GLG1: variants seen among roughly 807,000 people sequenced by gnomAD.
The protein encoded by GLG1 is golgi glycoprotein 1.
A neutral mutation model predicts 160.5 loss-of-function variants in GLG1; 38 were observed. The ratio of observed to expected loss-of-function variants is 0.24; its 90% CI spans 0.18 to 0.31. The LOEUF (loss-of-function observed/expected upper bound fraction) is 0.31. Ranked by LOEUF, GLG1 falls within the 10% of genes least tolerant of loss-of-function variation. The probability of loss-of-function intolerance (pLI) is 1.00; values close to 1 mark genes in which losing one functional copy is unlikely to be tolerated. For synonymous variants in GLG1, 644 were observed against 543.4 expected (o/e 1.19, Z -2.57); for missense variants, 1,373 against 1,505.2 (o/e 0.91, Z 1.45).
intron 1 of GLG1, among the ~76,000 whole-genome samples, chr16:74,592,811 T>C (rs1958214933): frequency 6.6e-6 from 1 of 152,178 alleles, no homozygotes; most frequent in Admixed American, 6.6e-5. Context: ...ATAATAGGTG[T>C]GTCCTCAGCA....
chr16:74,546,559 A>G (rs375903696), intron 1 of GLG1, among the ~76,000 whole-genome samples: 3 of 151,894 alleles, frequency 2.0e-5, no homozygotes, highest in Non-Finnish European at 2.9e-5. Flanking sequence ...TGACTAGGCC[A>G]GGCGTGGTGG....
chr16:74,603,378 C>G (rs1958489390), intron 1 of GLG1, among the ~76,000 whole-genome samples: 1 of 150,188 alleles, frequency 6.7e-6, no homozygotes, highest in Non-Finnish European at 1.5e-5. Context: ...CCACTGCACT[C>G]CAGCCTGGCA....
rs2014820543 is a variant in GLG1 at position 74,462,101 on chromosome 16, G to A, written c.3029C>T (p.Ser1010Leu). The change falls in exon 22 of 26, where the codon TCA becomes TTA. Residue 1010 changes from serine (S) to leucine (L), a missense_variant. By Grantham distance (145) the Ser-to-Leu change is moderately radical. Transcript: ENST00000422840. ...RLDPQLQLHCSDEISSLCAEE... is the reference protein window; with the variant it reads ...RLDPQLQLHCLDEISSLCAEE... ...TTTGCACGCAAATCCCACCTCGTCT[G>A]AGCAGTGCAGCTGGAGCTGAGGATC... 3 of 1,569,854 alleles carry A rather than the reference G, an allele frequency of 1.9e-6. No homozygotes were observed. Among genetic ancestry groups the A allele is most frequent in the African/African-American group, 1.4e-5 (1 of 74,052 alleles).
At chr16:74,482,070 G>A (rs1424996510) in intron 10 of GLG1, among the ~76,000 whole-genome samples, 2 of 152,064 alleles carry the variant, frequency 1.3e-5, no homozygotes, top group Admixed American at 6.6e-5. Flanking sequence ...TTACAGGCGT[G>A]AGCCACCGCG....
At chr16:74,603,184 G>T (rs1345532769) in intron 1 of GLG1, among the ~76,000 whole-genome samples, 1 of 151,960 alleles carries the variant, frequency 6.6e-6, no homozygotes, top group Non-Finnish European at 1.5e-5. Flanking sequence ...GACCAAGGTG[G>T]GCAGATCATG....
intron 1 of GLG1, among the ~76,000 whole-genome samples, chr16:74,535,481 G>A (rs2017663446): frequency 6.6e-6 from 1 of 152,228 alleles, no homozygotes; most frequent in Non-Finnish European, 1.5e-5. Context: ...TTGCCAGGCT[G>A]AAGGGCAGTG....
intron 1 of GLG1, among the ~76,000 whole-genome samples, chr16:74,581,887 A>G (rs1252693967): frequency 6.6e-6 from 1 of 152,164 alleles, no homozygotes; most frequent in East Asian, 1.9e-4. Context: ...ACTCCAGCCC[A>G]GGCGACGGTG....
chr16:74,539,653 G>A (rs2017779217), intron 1 of GLG1, among the ~76,000 whole-genome samples: 1 of 151,668 alleles, frequency 6.6e-6, no homozygotes, highest in Non-Finnish European at 1.5e-5. Flanking sequence ...CTGAAAATAT[G>A]AAAACACAGA....
At chr16:74,556,321 C>T (rs986733076) in intron 1 of GLG1, among the ~76,000 whole-genome samples, 1 of 152,098 alleles carries the variant, frequency 6.6e-6, no homozygotes, top group South Asian at 2.1e-4. Flanking sequence ...TACCATTTTA[C>T]AATAAATCAT....
chr16:74,479,306 AAAG>A (rs1413085671), intron 11 of GLG1, among the ~76,000 whole-genome samples: 1 of 151,348 alleles, frequency 6.6e-6, no homozygotes, highest in East Asian at 1.9e-4. Flanking sequence ...AAAAAAAAGA[AAAG>A]AAAACCAGCA....
Position 74,505,104 on chromosome 16 carries a change from C to T in GLG1, c.559-1358G>A, listed in dbSNP as rs533580435. Among the ~76,000 whole-genome samples, 16 of 152,254 alleles carry T rather than the reference C, an allele frequency of 1.1e-4. No homozygotes were observed. In the South Asian group the frequency reaches 3.1e-3, roughly 30 times the overall value. ...TGAATGCAATAGAGAGCATTCTCCC[C>T]ATTAGGCCTATCTATCACAAGCATG... is the stretch of plus-strand genomic sequence containing the variant. On this transcript the variant is annotated intron_variant, in intron 3 of 25. Coordinates refer to ENST00000422840, the MANE Select transcript of GLG1 (RefSeq NM_001145667.2).
intron 1 of GLG1, among the ~76,000 whole-genome samples, chr16:74,569,822 A>G (rs1016638638): frequency 1.3e-5 from 2 of 148,956 alleles, no homozygotes; most frequent in South Asian, 4.2e-4. Context: ...AGATCACGCC[A>G]CTGCACCCTA....
intron 15 of GLG1, among the ~76,000 whole-genome samples, chr16:74,470,438 T>C (rs1216210556): frequency 7.3e-6 from 1 of 136,628 alleles, no homozygotes; most frequent in Non-Finnish European, 1.5e-5. Context: ...ATAGGACATA[T>C]ATTTGTAATT....
chr16:74,512,872 C>T (rs919335805), intron 2 of GLG1, among the ~76,000 whole-genome samples: 2 of 152,036 alleles, frequency 1.3e-5, no homozygotes, highest in Non-Finnish European at 2.9e-5. Flanking sequence ...AGAGGAGGGA[C>T]AGGGAGTCTT....
chr16:74,515,826 T>A (rs1162805312), intron 2 of GLG1, among the ~76,000 whole-genome samples: 1 of 151,492 alleles, frequency 6.6e-6, no homozygotes, highest in Non-Finnish European at 1.5e-5. Context: ...GAGACACACA[T>A]AGTCTCAAAA....
At chr16:74,491,295 C>CAG in intron 7 of GLG1, 80 bp from the exon 8 acceptor site, 1 of 983,810 alleles carries the variant, frequency 1.0e-6, no homozygotes, top group Non-Finnish European at 1.6e-6. Context: ...ATTAAAAGTA[C>CAG]ATATTTCTAT....
At chr16:74,489,253 C>T (rs1181137269) in intron 8 of GLG1, among the ~76,000 whole-genome samples, 3 of 151,952 alleles carry the variant, frequency 2.0e-5, no homozygotes, top group Admixed American at 2.0e-4. Context: ...GGAAGATCAC[C>T]TGAGGTCCAG....
chr16:74,539,044 G>T (rs62052495), intron 1 of GLG1, among the ~76,000 whole-genome samples: 99,213 of 149,526 alleles, frequency 0.66, 33,057 homozygotes, highest in East Asian at 0.81. Context: ...GGGTGGCATT[G>T]AAAAGGCACA....
chr16:74,524,578 G>T (rs941746226), intron 2 of GLG1, among the ~76,000 whole-genome samples: 1 of 150,608 alleles, frequency 6.6e-6, no homozygotes. Flanking sequence ...AGTATTTACT[G>T]AAATATTAAC....
Sources: gnomAD v4.1 joint callset for allele counts (sites outside exome capture counted in the v4.1 genomes callset) on GRCh38, gnomAD v4.1.1 for gene constraint, MANE v1.5 for transcripts, NCBI Gene and HGNC (gene_info 2026-07-23, HGNC 2026-07-21) for gene names.